MAD1L1: variants seen among roughly 807,000 people sequenced by gnomAD.
MAD1L1 encodes the protein mitotic spindle assembly checkpoint protein MAD1.
A neutral mutation model predicts 96.9 loss-of-function variants in MAD1L1; 95 were observed. That is an observed-to-expected ratio of 0.98 (90% CI 0.83 to 1.16). The LOEUF (loss-of-function observed/expected upper bound fraction) is 1.16, where lower values mean the gene tolerates loss of function less well. Among genes scored for constraint, MAD1L1 ranks in the 50% most tolerant of loss-of-function variants. The pLI, the probability that MAD1L1 is intolerant of heterozygous loss-of-function variation, is 0.00. For synonymous variants in MAD1L1, 473 were observed against 396.6 expected, an observed-to-expected ratio of 1.19 and a Z score of -2.29; for missense variants, 1,007 against 954.4, an observed-to-expected ratio of 1.06 and a Z score of -0.73.
rs60466584 is a variant in MAD1L1 at position 2,038,498 on chromosome 7, C to CTTTTTTTTTTTTTTTTTTTTT, written c.1219-23877_1219-23857dup. Among the ~76,000 whole-genome samples the CTTTTTTTTTTTTTTTTTTTTT allele has an allele frequency of 2.2e-5, 2 of 92,826 alleles. 1 individual carries two copies. 60.9% of individuals were successfully genotyped at this position (92,826 alleles called of 152,430 possible). A position where few individuals can be genotyped will look rare whatever the true frequency, so the allele number is the denominator to read the frequency against. On this transcript the variant is annotated intron_variant, in intron 12 of 18. Coordinates refer to ENST00000265854, the MANE Select transcript of MAD1L1 (RefSeq NM_001013836.2). ...TGTTAGGAGATAATGAAGCTGATGACTTTTTTTTTTTTTTTTTTTTTTTTT... is the reference window on the plus strand; with the variant it reads ...TGTTAGGAGATAATGAAGCTGATGACTTTTTTTTTTTTTTTTTTTTTTTTTTTTTTTTTTTTTTTTTTTTTT...
At chr7:2,096,499 C>A (rs532866139) in intron 11 of MAD1L1, among the ~76,000 whole-genome samples, 2 of 152,102 alleles carry the variant, frequency 1.3e-5, no homozygotes, top group African/African-American at 4.8e-5. Flanking sequence ...TGTTAGCTGC[C>A]TTCATGGGAC....
intron 11 of MAD1L1, among the ~76,000 whole-genome samples, chr7:2,073,290 C>A (rs1785222738): frequency 6.6e-6 from 1 of 152,238 alleles, no homozygotes; most frequent in Non-Finnish European, 1.5e-5. Flanking sequence ...AAAACTCACT[C>A]TGGGATCAAA....
intron 18 of MAD1L1, among the ~76,000 whole-genome samples, chr7:1,818,941 C>A (rs1781978975): frequency 6.6e-6 from 1 of 152,104 alleles, no homozygotes; most frequent in Non-Finnish European, 1.5e-5. Context: ...GCAGACCCAG[C>A]GTTTGCAAAA....
intron 10 of MAD1L1, among the ~76,000 whole-genome samples, chr7:2,200,980 A>G (rs1359085801): frequency 2.1e-5 from 3 of 141,874 alleles, no homozygotes; most frequent in Non-Finnish European, 4.7e-5. Context: ...CAGGCCACGC[A>G]GGGTAGGTGG....
chr7:2,138,874 G>C (rs1045862887), intron 11 of MAD1L1, among the ~76,000 whole-genome samples: 1 of 152,192 alleles, frequency 6.6e-6, no homozygotes, highest in Non-Finnish European at 1.5e-5. Flanking sequence ...CTGAGCACCT[G>C]CTTGATGTTG....
intron 17 of MAD1L1, among the ~76,000 whole-genome samples, chr7:1,909,064 G>C (rs1787851168): frequency 6.6e-6 from 1 of 152,228 alleles, no homozygotes; most frequent in South Asian, 2.1e-4. Context: ...GGGAACACAG[G>C]GCAGGAGGGA....
chr7:1,873,700 C>G (rs1164284602), intron 18 of MAD1L1, among the ~76,000 whole-genome samples: 1 of 152,208 alleles, frequency 6.6e-6, no homozygotes, highest in East Asian at 1.9e-4. Flanking sequence ...GAGTGGGCAC[C>G]CCGGGTGCAG....
chr7:1,994,181 A>G lies in MAD1L1; in HGVS notation c.1416+7884T>C, dbSNP rs370564891. Among the ~76,000 whole-genome samples, 16 of 152,342 alleles carry G rather than the reference A, an allele frequency of 1.1e-4. 1 individual carries two copies. Among genetic ancestry groups the G allele is most frequent in the African/African-American group, 3.6e-4 (15 of 41,572 alleles). The stretch of plus-strand genomic sequence containing the variant: ...TAAACAACAAGTGTGTACTCATGAC[A>G]TGGTGAGCAACAGCACACACTGGCT... On this transcript the variant is annotated intron_variant, in intron 14 of 18. Transcript: ENST00000265854.
At chr7:1,917,840 G>A (rs551980813) in intron 17 of MAD1L1, among the ~76,000 whole-genome samples, 44 of 152,284 alleles carry the variant, frequency 2.9e-4, no homozygotes, top group African/African-American at 7.5e-4. Context: ...GCTGTGCCAG[G>A]AACATTCTTA....
In MAD1L1 at chr7:2,222,610, G is replaced by T. The variant is rs202218277; in HGVS notation, c.436C>A (p.Arg146Ser). 1 of 1,611,504 alleles carries T rather than the reference G, an allele frequency of 6.2e-7. No individual in the cohort carries two copies. The highest frequency in any genetic ancestry group is 1.1e-5 in the South Asian group (1 of 90,886). Residue 146 changes from arginine to serine, a missense_variant, in exon 5 of 19, where the codon CGT becomes AGT. By Grantham distance (110) the Arg-to-Ser change is moderately radical. Transcript: ENST00000265854. ...QNLDAASKRL[R>S]EKEDSLAQAG... ...TGGGCCAGACTGTCCTCTTTCTCACGCAGCCTCTTGCTGGCAGCATCCAAG... is the reference window on the plus strand; with the variant it reads ...TGGGCCAGACTGTCCTCTTTCTCACTCAGCCTCTTGCTGGCAGCATCCAAG...
At chr7:2,017,104 T>TACA (rs972013991) in intron 12 of MAD1L1, among the ~76,000 whole-genome samples, 1 of 152,260 alleles carries the variant, frequency 6.6e-6, no homozygotes, top group African/African-American at 2.4e-5. Flanking sequence ...GAAAGTTTGT[T>TACA]GTTTGTACCC....
chr7:1,980,712 C>CTA, intron 14 of MAD1L1, 171 bp from the exon 15 acceptor site: 2 of 708,096 alleles, frequency 2.8e-6, no homozygotes, highest in Non-Finnish European at 5.3e-6. Context: ...AGACAGCACT[C>CTA]TAACTTTGCA....
intron 18 of MAD1L1, among the ~76,000 whole-genome samples, chr7:1,840,805 C>A (rs535702124): frequency 4.6e-5 from 7 of 152,216 alleles, no homozygotes; most frequent in Non-Finnish European, 7.3e-5. Context: ...CCTGGGCATG[C>A]GGTTTCTCTG....
At chr7:2,125,629 G>A (rs1788196979) in intron 11 of MAD1L1, among the ~76,000 whole-genome samples, 1 of 152,176 alleles carries the variant, frequency 6.6e-6, no homozygotes, top group African/African-American at 2.4e-5. Context: ...GCTGGCTCGA[G>A]GTTTCTGACG....
intron 13 of MAD1L1, among the ~76,000 whole-genome samples, chr7:2,013,618 A>T (rs1162505289): frequency 6.6e-6 from 1 of 152,266 alleles, no homozygotes; most frequent in Non-Finnish European, 1.5e-5. Flanking sequence ...ATGGTAAGGC[A>T]CCCGGCGGCG....
At chr7:1,852,881 C>T (rs374617662) in intron 18 of MAD1L1, among the ~76,000 whole-genome samples, 2 of 152,124 alleles carry the variant, frequency 1.3e-5, no homozygotes, top group East Asian at 3.9e-4. Context: ...CTGGAAGGGG[C>T]GCCTCCGAGG....
intron 14 of MAD1L1, among the ~76,000 whole-genome samples, chr7:1,989,237 C>A (rs1290671192): frequency 6.6e-6 from 1 of 152,208 alleles, no homozygotes; most frequent in Admixed American, 6.5e-5. Flanking sequence ...GAAAATTTCA[C>A]ACCCGCCAGG....
intron 16 of MAD1L1, among the ~76,000 whole-genome samples, chr7:1,945,086 G>A (rs1214505520): frequency 6.6e-6 from 1 of 152,138 alleles, no homozygotes; most frequent in East Asian, 1.9e-4. Flanking sequence ...GGCTGCGAAG[G>A]GCCAGGCCTC....
chr7:1,963,120 G>A (rs759341945), intron 15 of MAD1L1, among the ~76,000 whole-genome samples: 4 of 152,168 alleles, frequency 2.6e-5, no homozygotes, highest in African/African-American at 4.8e-5. Flanking sequence ...AAACGAAGTC[G>A]ATTTCTACAT....
Sources: gnomAD v4.1 joint callset for allele counts (sites outside exome capture counted in the v4.1 genomes callset) on GRCh38, gnomAD v4.1.1 for gene constraint, MANE v1.5 for transcripts, NCBI Gene and HGNC (gene_info 2026-07-23, HGNC 2026-07-21) for gene names.